AKAP13: variants seen among roughly 807,000 people sequenced by gnomAD.
The protein encoded by AKAP13 is A-kinase anchor protein 13.
A neutral mutation model predicts 264.5 loss-of-function variants in AKAP13; 80 were observed. The observed-to-expected ratio is 0.30, with a 90% CI of 0.25 to 0.36. AKAP13 has a LOEUF of 0.36. AKAP13 is among the 10% of genes least tolerant of loss of function. AKAP13 has a pLI of 1.00. For missense variants in AKAP13, 3,712 were observed against 3,435.2 expected, an observed-to-expected ratio of 1.08 and a Z score of -2.01; for synonymous variants, 1,380 against 1,250.2, an observed-to-expected ratio of 1.10 and a Z score of -2.19.
intron 17 of AKAP13, 127 bp from the exon 18 acceptor site, chr15:85,707,892 C>G: frequency 1.2e-6 from 1 of 840,740 alleles, no homozygotes; most frequent in African/African-American, 1.7e-5. Flanking sequence ...TGTGTAATTT[C>G]AGTCACATTC....
rs187549107 is a variant in AKAP13, at chr15:85,684,891, C to G, written c.5289+18C>G. The G allele has an allele frequency of 1.9e-3, 3,099 of 1,612,066 alleles. 65 individuals carry two copies. The highest frequency in any genetic ancestry group is 1.7e-4 in the Non-Finnish European group (200 of 1,179,182). ...AGAGCAAAGTGAGTATCACTGTGGG[C>G]ATTGCTTGTGATCACCTCAGTAGGA... is the stretch of plus-strand genomic sequence containing the variant. On this transcript the variant is annotated intron_variant, in intron 16 of 36. Transcript: ENST00000394518.
At chr15:85,562,859 C>A (rs1390774709) in intron 5 of AKAP13, among the ~76,000 whole-genome samples, 1 of 102,678 alleles carries the variant, frequency 9.7e-6, no homozygotes, top group Non-Finnish European at 2.0e-5. Flanking sequence ...CCACGCCCAG[C>A]AGGTTTTTTT....
intron 33 of AKAP13, among the ~76,000 whole-genome samples, chr15:85,739,756 T>G (rs1206229894): frequency 6.6e-6 from 1 of 152,212 alleles, no homozygotes; most frequent in African/African-American, 2.4e-5. Context: ...CTTTAACATT[T>G]TCAGATATTT....
chr15:85,420,236 C>G (rs999185674), intron 1 of AKAP13, among the ~76,000 whole-genome samples: 1 of 151,742 alleles, frequency 6.6e-6, no homozygotes, highest in Non-Finnish European at 1.5e-5. Flanking sequence ...CCACCGCGCC[C>G]GGCCTTTTTT....
chr15:85,727,573 A>G lies in AKAP13; in HGVS notation c.7087+110A>G. On this transcript the variant is annotated intron_variant, in intron 29 of 36. Coordinates refer to ENST00000394518, the MANE Select transcript of AKAP13 (RefSeq NM_007200.5). This position sits in a 1 kb window ranked among gnomAD's most constrained non-coding sequence, Gnocchi z 5.3. ...TTGCCCTCAGTTCTAAAGCTGCCCC[A>G]GCAGGCACTTGAAAGCAGCAAAATG... 8.3e-7 allele frequency: 1 copy of G among 1,207,882 alleles called. No individual in the cohort carries two copies. Among genetic ancestry groups the G allele is most frequent in the Non-Finnish European group, 1.2e-6 (1 of 846,738 alleles). 74.8% of individuals were successfully genotyped at this position (1,207,882 alleles called of 1,614,324 possible). A position where few individuals can be genotyped will look rare whatever the true frequency, so the allele number is the denominator to read the frequency against.
intron 2 of AKAP13, among the ~76,000 whole-genome samples, chr15:85,512,514 CCTAA>C (rs1009130019): frequency 1.3e-5 from 2 of 152,102 alleles, no homozygotes; most frequent in Non-Finnish European, 2.9e-5. Context: ...TTTCCCCACA[CCTAA>C]CTGTGTCTCC....
At chr15:85,465,465 AG>A (rs1273161887) in intron 1 of AKAP13, among the ~76,000 whole-genome samples, 1 of 146,994 alleles carries the variant, frequency 6.8e-6, no homozygotes, top group African/African-American at 2.5e-5. Context: ...CTCGTCATTT[AG>A]CATTAGGTAT....
At position 85,669,746 on chromosome 15, in the gene AKAP13, G is replaced by C; in HGVS notation, c.5017G>C (p.Gly1673Arg). ...QQICHRSKQQ[G>R]FNYCTSAISS... ...GATATGTCACAGATCTAAGCAGCAG[G>C]GATTTAATTACTGTACATCAGCCAT... The change falls in exon 14 of 37, where the codon GGA becomes CGA. Residue 1673 changes from glycine to arginine, a missense_variant. Physicochemically the swap from Gly to Arg is moderately radical, Grantham distance 125 (BLOSUM62 -2). Coordinates refer to ENST00000394518, the MANE Select transcript of AKAP13 (RefSeq NM_007200.5). 6.2e-7 allele frequency: 1 copy of C among 1,612,726 alleles called. No homozygotes were observed. The highest frequency in any genetic ancestry group is 8.5e-7 in the Non-Finnish European group (1 of 1,178,986).
At chr15:85,657,247 G>T (rs1286108901) in intron 11 of AKAP13, among the ~76,000 whole-genome samples, 2 of 152,118 alleles carry the variant, frequency 1.3e-5, no homozygotes, top group South Asian at 4.1e-4. Context: ...TATTATGGCT[G>T]TGTAATCACA....
chr15:85,509,011 A>G (rs1485320250), intron 2 of AKAP13, among the ~76,000 whole-genome samples: 2 of 152,154 alleles, frequency 1.3e-5, no homozygotes, highest in East Asian at 1.9e-4. Context: ...TTTCTAATAG[A>G]ACTTTCCCTC....
At chr15:85,598,877 G>T (rs866613545) in intron 8 of AKAP13, among the ~76,000 whole-genome samples, 1 of 152,214 alleles carries the variant, frequency 6.6e-6, no homozygotes, top group Non-Finnish European at 1.5e-5. Flanking sequence ...GATTTTCCCT[G>T]TTGACAGCAT....
At chr15:85,483,641 A>AAACAAAAC (rs1274933165) in intron 1 of AKAP13, among the ~76,000 whole-genome samples, 9 of 143,164 alleles carry the variant, frequency 6.3e-5, no homozygotes, top group African/African-American at 2.5e-4. Flanking sequence ...TCAAAAAAAA[A>AAACAAAAC]AAAAAAAAAA....
chr15:85,490,815 A>G (rs1166088401), intron 2 of AKAP13, among the ~76,000 whole-genome samples: 1 of 152,198 alleles, frequency 6.6e-6, no homozygotes, highest in Non-Finnish European at 1.5e-5. Context: ...TGTAGTGAGA[A>G]GAAGGAAGAC....
At chr15:85,575,549 C>T (rs902713007) in intron 6 of AKAP13, among the ~76,000 whole-genome samples, 4 of 152,006 alleles carry the variant, frequency 2.6e-5, no homozygotes, top group Non-Finnish European at 5.9e-5. Flanking sequence ...AAAAATTGGC[C>T]GGCCTGGTGG....
chr15:85,543,664 A>C, intron 4 of AKAP13, 108 bp from the exon 5 acceptor site: 1 of 1,258,678 alleles, frequency 7.9e-7, no homozygotes, highest in Non-Finnish European at 1.1e-6. Context: ...TAACTTTACA[A>C]TCTTAGGCAC....
intron 2 of AKAP13, among the ~76,000 whole-genome samples, chr15:85,488,112 T>G (rs533353293): frequency 6.6e-6 from 1 of 152,296 alleles, no homozygotes; most frequent in South Asian, 2.1e-4. Flanking sequence ...CTGCCCAGGT[T>G]GGGCTCAAGT....
At chr15:85,646,033 T>G (rs1349803404) in intron 10 of AKAP13, 79 bp downstream of exon 10, 2 of 1,530,464 alleles carry the variant, frequency 1.3e-6, no homozygotes, top group East Asian at 2.3e-5. Flanking sequence ...CTTTTCCAAC[T>G]TTTTCCCCCT....
At chr15:85,720,249 A>G (rs1239633801) in intron 23 of AKAP13, among the ~76,000 whole-genome samples, 1 of 112,544 alleles carries the variant, frequency 8.9e-6, no homozygotes, top group Non-Finnish European at 1.8e-5. Flanking sequence ...CTCAACATTT[A>G]AAAACAAACT....
rs192753780 is a variant in AKAP13, at chr15:85,481,690, C to G, written c.-11-4020C>G. ...CTGAGTGGTGAAATTGCTGAACATA[C>G]TTAAAACCACATCATTTAAGACTTT... On this transcript the variant is annotated intron_variant, in intron 1 of 36. Transcript: ENST00000394518. 1.8e-4 allele frequency among the ~76,000 whole-genome samples: 28 copies of G among 152,304 alleles called. 1 individual carries two copies. In the East Asian group the frequency reaches 4.8e-3, roughly 26 times the overall value.
Sources: gnomAD v4.1 joint callset for allele counts (sites outside exome capture counted in the v4.1 genomes callset) on GRCh38, gnomAD v4.1.1 for gene constraint, Gnocchi (gnomAD v3.1) non-coding constraint, MANE v1.5 for transcripts, NCBI Gene and HGNC (gene_info 2026-07-23, HGNC 2026-07-21) for gene names.